The following ABLIM1 variants were observed in gnomAD, a reference collection of about 807,000 sequenced individuals.
ABLIM1 encodes actin binding LIM protein 1.
A neutral mutation model predicts 107.0 loss-of-function variants in ABLIM1; 40 were observed. The observed-to-expected ratio is 0.37, with a 90% confidence interval of 0.29 to 0.49. The LOEUF (loss-of-function observed/expected upper bound fraction) is 0.49. Ranked by LOEUF, ABLIM1 falls within the 20% of genes least tolerant of loss-of-function variation. ABLIM1 has a pLI of 0.97. For missense variants in ABLIM1, 857 were observed against 1,008.5 expected, an observed-to-expected ratio of 0.85 and a Z score of 2.04; for synonymous variants, 357 against 357.3, an observed-to-expected ratio of 1.00 and a Z score of 0.01.
At chr10:114,678,375 T>C (rs2080586823) in intron 1 of ABLIM1, among the ~76,000 whole-genome samples, 1 of 152,278 alleles carries the variant, frequency 6.6e-6, no homozygotes, top group African/African-American at 2.4e-5. Flanking sequence ...TTCTAAAGCA[T>C]GTCTCGTTAA....
At chr10:114,443,103 A>C (rs1048435412) in intron 17 of ABLIM1, among the ~76,000 whole-genome samples, 1 of 151,964 alleles carries the variant, frequency 6.6e-6, no homozygotes, top group Non-Finnish European at 1.5e-5. Context: ...CTCCCCACTA[A>C]ATGCATTTTT....
chr10:114,438,800 C>T (rs1056419526), intron 21 of ABLIM1, among the ~76,000 whole-genome samples: 11 of 152,200 alleles, frequency 7.2e-5, no homozygotes, highest in Admixed American at 1.3e-4. Context: ...CCAGTGTACC[C>T]AGGACTGAGG....
intron 6 of ABLIM1, among the ~76,000 whole-genome samples, chr10:114,507,667 G>GGTTCCTCTGACA (rs2061342972): frequency 6.6e-6 from 1 of 152,222 alleles, no homozygotes; most frequent in Non-Finnish European, 1.5e-5. Context: ...ACAGTCAGGT[G>GGTTCCTCTGACA]ACAGGAGGGC....
Position 114,452,144 on chromosome 10 carries a change from T to TA in ABLIM1, c.1547-474dup, listed in dbSNP as rs1001248893. ...AATGTAGAAAAATCAAAAGTTTTTT[T>TA]AAAAAAAACAGAAACTTTTTATGTG... On this transcript the variant is annotated intron_variant, in intron 13 of 22. Coordinates refer to ENST00000533213, the MANE Select transcript of ABLIM1 (RefSeq NM_002313.7). Among the ~76,000 whole-genome samples, 24 of 151,936 alleles carry TA rather than the reference T, an allele frequency of 1.6e-4. No homozygotes were observed. In the South Asian group the frequency reaches 2.1e-3, roughly 13 times the overall value.
At chr10:114,756,694 C>T (rs1353332312) in intron 1 of ABLIM1, among the ~76,000 whole-genome samples, 1 of 152,048 alleles carries the variant, frequency 6.6e-6, no homozygotes, top group Non-Finnish European at 1.5e-5. Flanking sequence ...CTAAAATTTC[C>T]AAGCACCATT....
At chr10:114,704,271 G>GCTCTCTCTCTCTCTCTCTCTCTCTCTCT (rs1215619815) in intron 1 of ABLIM1, among the ~76,000 whole-genome samples, 1 of 40,958 alleles carries the variant, frequency 2.4e-5, no homozygotes, top group Non-Finnish European at 5.3e-5. Flanking sequence ...TCTCTCTCTC[G>GCTCTCTCTCTCTCTCTCTCTCTCTCTCT]CTCTCTCTCT....
the ABLIM1 span, among the ~76,000 whole-genome samples, chr10:114,795,580 G>A: frequency 3.3e-5 from 5 of 152,066 alleles, no homozygotes; most frequent in Non-Finnish European, 7.4e-5. Context: ...GTGGTGGCAC[G>A]AGCCTGTAGT....
chr10:114,632,735 C>T, intron 1 of ABLIM1: 1 of 985,348 alleles, frequency 1.0e-6, no homozygotes, highest in African/African-American at 1.7e-5. Flanking sequence ...ATTTTGACTT[C>T]CCCCTTCTCC....
chr10:114,781,789 A>G, the ABLIM1 span, among the ~76,000 whole-genome samples: 3 of 151,810 alleles, frequency 2.0e-5, no homozygotes, highest in Non-Finnish European at 4.4e-5. Context: ...TATCAAACTG[A>G]CTAAATTTAG....
intron 12 of ABLIM1, among the ~76,000 whole-genome samples, chr10:114,459,198 T>C (rs770432158): frequency 6.6e-6 from 1 of 152,252 alleles, no homozygotes; most frequent in Non-Finnish European, 1.5e-5. Flanking sequence ...GCCTCTGAGA[T>C]GGACATCCTA....
intron 4 of ABLIM1, among the ~76,000 whole-genome samples, chr10:114,566,126 T>G (rs1349976645): frequency 6.6e-6 from 1 of 152,138 alleles, no homozygotes; most frequent in Non-Finnish European, 1.5e-5. Flanking sequence ...GACTAGAGCA[T>G]TTGTCTTGAT....
chr10:114,547,156 T>G (rs1383463205), intron 5 of ABLIM1, among the ~76,000 whole-genome samples: 1 of 9,356 alleles, frequency 1.1e-4, no homozygotes, highest in Non-Finnish European at 1.8e-4. Context: ...CCAGGCTACA[T>G]TTAAAAAAAA....
At chr10:114,563,528 C>T (rs1367928455) in intron 4 of ABLIM1, among the ~76,000 whole-genome samples, 2 of 151,914 alleles carry the variant, frequency 1.3e-5, no homozygotes, top group East Asian at 1.9e-4. Flanking sequence ...TAATATAATA[C>T]GTTAAGTATA....
upstream of ABLIM1, among the ~76,000 whole-genome samples, chr10:114,660,499 C>T (rs2079745803): frequency 6.6e-6 from 1 of 150,940 alleles, no homozygotes; most frequent in Non-Finnish European, 1.5e-5. Context: ...AAGTGGCATT[C>T]ATCCATCAAA....
chr10:114,658,063 C>T lies in ABLIM1; in HGVS notation c.138G>A (p.Gly46=), dbSNP rs1306543101. The part of the protein sequence containing the change: ...RLIVEDRRVS[G]TSFTAHRRAT... ...CACGCCTATGAGCGGTGAAGGAGGT[C>T]CCAGAGACCCTCCGGTCCTCAACAA... Residue 46 remains glycine, a synonymous_variant, in exon 1 of 23, where the codon GGG becomes GGA. Transcript: ENST00000533213. The T allele has an allele frequency of 3.7e-6, 6 of 1,614,178 alleles. No individual in the cohort carries two copies. Among genetic ancestry groups the T allele is most frequent in the South Asian group, 3.3e-5 (3 of 91,080 alleles).
intron 20 of ABLIM1, chr10:114,439,855 C>T: frequency 3.2e-6 from 2 of 627,698 alleles, no homozygotes; most frequent in Non-Finnish European, 5.4e-6. Context: ...GCAAGAGAGA[C>T]CCCCTACACC....
intron 1 of ABLIM1, among the ~76,000 whole-genome samples, chr10:114,697,000 G>A (rs1444866915): frequency 1.3e-5 from 2 of 152,110 alleles, no homozygotes; most frequent in South Asian, 2.1e-4. Flanking sequence ...GCTATGCTGA[G>A]GCCTTCTGGT....
chr10:114,760,656 T>A (rs2082726319), intron 1 of ABLIM1, among the ~76,000 whole-genome samples: 1 of 152,182 alleles, frequency 6.6e-6, no homozygotes, highest in Non-Finnish European at 1.5e-5. Context: ...CTGAGAAGTG[T>A]GATTAACTCA....
At chr10:114,449,623 C>A (rs889164384) in intron 14 of ABLIM1, among the ~76,000 whole-genome samples, 12 of 152,176 alleles carry the variant, frequency 7.9e-5, no homozygotes, top group Non-Finnish European at 1.8e-4. Flanking sequence ...CAGTGTTCCT[C>A]TGAATCTCTA....
Sources: allele counts gnomAD v4.1 joint callset (sites outside exome capture counted in the v4.1 genomes callset), GRCh38; gene constraint gnomAD v4.1.1; transcripts MANE v1.5; gene names NCBI Gene and HGNC (gene_info 2026-07-23, HGNC 2026-07-21).